MTPN: variants seen among roughly 807,000 people sequenced by gnomAD.
The protein encoded by MTPN is granule cell differentiation protein.
A neutral mutation model predicts 13.5 loss-of-function variants in MTPN; 2 were observed. The observed-to-expected ratio is 0.15, with a 90% CI of 0.06 to 0.47. The LOEUF is 0.47. Among genes scored for constraint, MTPN ranks in the 20% least tolerant of loss-of-function variants. MTPN has a pLI of 0.97. For missense variants in MTPN, 79 were observed against 137.9 expected (o/e 0.57, Z 2.14); for synonymous variants, 46 against 51.7 (o/e 0.89, Z 0.48).
chr7:135,976,924 T>TCCCCCCCCCCCCCCC, intron 1 of MTPN, 105 bp downstream of exon 1: 1 of 724,844 alleles, frequency 1.4e-6, no homozygotes, highest in Non-Finnish European at 2.5e-6. Flanking sequence ...AGGAAGTCTC[T>TCCCCCCCCCCCCCCC]CCTCCCGCCC....
intron 3 of MTPN, among the ~76,000 whole-genome samples, chr7:135,945,794 A>G (rs1474344929): frequency 6.6e-6 from 1 of 152,150 alleles, no homozygotes; most frequent in Non-Finnish European, 1.5e-5. Context: ...TAACACAGTC[A>G]TTACCAAGCA....
At chr7:135,935,115 A>G (rs1799094761) in intron 3 of MTPN, among the ~76,000 whole-genome samples, 1 of 152,216 alleles carries the variant, frequency 6.6e-6, no homozygotes, top group South Asian at 2.1e-4. Context: ...ATGTGGAGAC[A>G]GTATGCAGTT....
chr7:135,946,509 T>A (rs1442568048), intron 3 of MTPN, among the ~76,000 whole-genome samples: 5 of 152,170 alleles, frequency 3.3e-5, no homozygotes, highest in Non-Finnish European at 4.4e-5. Flanking sequence ...TTTTTGTATA[T>A]GAAGTTTTAC....
At chr7:135,961,808 C>CACAT (rs1362759696) in intron 1 of MTPN, among the ~76,000 whole-genome samples, 1 of 151,932 alleles carries the variant, frequency 6.6e-6, no homozygotes, top group Non-Finnish European at 1.5e-5. Context: ...ATATACTAGG[C>CACAT]ACATACATCT....
intron 1 of MTPN, among the ~76,000 whole-genome samples, chr7:135,975,298 T>C (rs1022417622): frequency 6.6e-6 from 1 of 152,238 alleles, no homozygotes; most frequent in Non-Finnish European, 1.5e-5. Context: ...AATGTCCTAC[T>C]AGAAATCTTG....
intron 1 of MTPN, among the ~76,000 whole-genome samples, chr7:135,958,417 C>T (rs1358059260): frequency 1.3e-5 from 2 of 152,114 alleles, no homozygotes; most frequent in Admixed American, 6.6e-5. Flanking sequence ...ATTTTTAAAA[C>T]CTTATTAGGG....
chr7:135,939,856 GATAAT>G (rs1799181958), intron 3 of MTPN, among the ~76,000 whole-genome samples: 3 of 152,022 alleles, frequency 2.0e-5, no homozygotes, highest in Admixed American at 2.0e-4. Flanking sequence ...TAATACCTAG[GATAAT>G]GCCTTGTAGC....
rs1798990178 is a variant in MTPN, at chr7:135,929,867, G to A, written c.*59C>T. ...GCAGATAGAGAGTGACAGACAGACAGGCAGCAGTGTGAGGCCACAGGAGAG... is the reference window on the plus strand; with the variant it reads ...GCAGATAGAGAGTGACAGACAGACAAGCAGCAGTGTGAGGCCACAGGAGAG... On this transcript the variant is annotated 3_prime_UTR_variant, in exon 4 of 4. Transcript: ENST00000393085. The A allele has an allele frequency of 6.7e-7, 1 of 1,495,798 alleles. No individual in the cohort carries two copies. The highest frequency in any genetic ancestry group is 9.3e-7 in the Non-Finnish European group (1 of 1,072,320). 92.7% of individuals were successfully genotyped at this position (1,495,798 alleles called of 1,614,324 possible).
chr7:135,927,065 A>C lies in MTPN; in HGVS notation c.*2861T>G, dbSNP rs1798930949. 2.8e-6 allele frequency: 1 copy of C among 355,500 alleles called. No homozygotes were observed. Among genetic ancestry groups the C allele is most frequent in the Admixed American group, 4.7e-5 (1 of 21,398 alleles). 22.0% of individuals were successfully genotyped at this position (355,500 alleles called of 1,614,324 possible). A position where few individuals can be genotyped will look rare whatever the true frequency, so the allele number is the denominator to read the frequency against. The stretch of plus-strand genomic sequence containing the variant: ...CTTATTTATGTAGGAGGGCACTCTC[A>C]CCAGCTTCTTCTATACACAATTGAG... On this transcript the variant is annotated 3_prime_UTR_variant, in exon 4 of 4. Transcript: ENST00000393085.
rs565153130 is a variant in MTPN at position 135,934,896 on chromosome 7, T to C, written c.271-4884A>G. ...CAGGTCTTTAACACTCTTTATAACT[T>C]GCTCAACGTGCTCTTCCTAATCATC... is the stretch of plus-strand genomic sequence containing the variant. On this transcript the variant is annotated intron_variant, in intron 3 of 3. Coordinates refer to ENST00000393085, the MANE Select transcript of MTPN (RefSeq NM_145808.4). 1.1e-4 allele frequency among the ~76,000 whole-genome samples: 16 copies of C among 152,286 alleles called. No homozygotes were observed. The East Asian group carries it at 2.9e-3, about 28-fold the overall frequency.
chr7:135,962,298 A>G (rs1440587913), intron 1 of MTPN, among the ~76,000 whole-genome samples: 3 of 151,938 alleles, frequency 2.0e-5, no homozygotes, highest in Non-Finnish European at 2.9e-5. Context: ...CAAAGTAAAC[A>G]TAAGAAAAAA....
intron 1 of MTPN, 139 bp from the exon 2 acceptor site, chr7:135,951,769 C>A: frequency 1.8e-6 from 1 of 541,442 alleles, no homozygotes; most frequent in Non-Finnish European, 3.2e-6. Context: ...AATAAAATAA[C>A]CAAAAACTTG....
At position 135,927,705 on chromosome 7, in the gene MTPN, A is replaced by G. The variant is rs1798944660; in HGVS notation, c.*2221T>C. On this transcript the variant is annotated 3_prime_UTR_variant, in exon 4 of 4. Coordinates refer to ENST00000393085, the MANE Select transcript of MTPN (RefSeq NM_145808.4). Reference sequence around the variant, plus strand: ...TCAGTCTATTCTATTCTATGTTTATATGTTATTTTCTCAAGCAATCGCTTC... The same window carrying G: ...TCAGTCTATTCTATTCTATGTTTATGTGTTATTTTCTCAAGCAATCGCTTC... 1.9e-6 allele frequency: 1 copy of G among 528,424 alleles called. No individual in the cohort carries two copies. The highest frequency in any genetic ancestry group is 1.6e-5 in the South Asian group (1 of 63,872). The allele number at this position is 528,424 out of a possible 1,614,324, so 32.7% of individuals were successfully genotyped here. A position where few individuals can be genotyped will look rare whatever the true frequency, so the allele number is the denominator to read the frequency against.
chr7:135,972,261 C>CA (rs35026808), intron 1 of MTPN, among the ~76,000 whole-genome samples: 2,132 of 90,824 alleles, frequency 0.023, 35 homozygotes, highest in African/African-American at 0.068. Context: ...ACACACACAC[C>CA]CCATGTAGAT....
At chr7:135,953,437 G>A (rs774368634) in intron 1 of MTPN, among the ~76,000 whole-genome samples, 4 of 152,078 alleles carry the variant, frequency 2.6e-5, no homozygotes, top group Non-Finnish European at 5.9e-5. Context: ...ATTAGATCTT[G>A]GGCAAGTTAC....
chr7:135,959,709 T>C (rs1185915750), intron 1 of MTPN, among the ~76,000 whole-genome samples: 1 of 152,074 alleles, frequency 6.6e-6, no homozygotes, highest in Admixed American at 6.6e-5. Flanking sequence ...TAGAGTTTAA[T>C]ATATGCCACC....
chr7:135,975,505 A>G (rs1322006112), intron 1 of MTPN, among the ~76,000 whole-genome samples: 1 of 152,226 alleles, frequency 6.6e-6, no homozygotes, highest in Non-Finnish European at 1.5e-5. Flanking sequence ...ATTCACAAGG[A>G]TGACATAAAA....
chr7:135,927,448 A>T lies in MTPN; in HGVS notation c.*2478T>A. ...ATAGTGCATATGAAATGACTGATTT[A>T]ATACAAAACTACAGAACATGCAAAA... On this transcript the variant is annotated 3_prime_UTR_variant, in exon 4 of 4. Transcript: ENST00000393085. 6.5e-7 allele frequency: 1 copy of T among 1,530,572 alleles called. No individual in the cohort carries two copies. The highest frequency in any genetic ancestry group is 1.7e-4 in the Middle Eastern group (1 of 5,878). The allele number at this position is 1,530,572 out of a possible 1,614,324, so 94.8% of individuals were successfully genotyped here.
At chr7:135,934,795 C>T (rs1799087740) in intron 3 of MTPN, among the ~76,000 whole-genome samples, 1 of 152,138 alleles carries the variant, frequency 6.6e-6, no homozygotes, top group African/African-American at 2.4e-5. Context: ...TCTAGCCTGC[C>T]TCTCCCTCCC....
Sources: gnomAD v4.1 joint callset for allele counts (sites outside exome capture counted in the v4.1 genomes callset) on GRCh38, gnomAD v4.1.1 for gene constraint, MANE v1.5 for transcripts, NCBI Gene and HGNC (gene_info 2026-07-23, HGNC 2026-07-21) for gene names.